Variants in CRISPLD2 observed in about 807,000 individuals in gnomAD.
The protein encoded by CRISPLD2 is cysteine-rich secretory protein LCCL domain-containing 2.
Under a neutral mutation model 71.1 loss-of-function variants are expected in CRISPLD2, and 47 were observed. The observed-to-expected ratio is 0.66, with a 90% CI of 0.52 to 0.84. The LOEUF (loss-of-function observed/expected upper bound fraction) is 0.84. Ranked by LOEUF, CRISPLD2 falls within the 40% of genes least tolerant of loss-of-function variation. The pLI, the probability that CRISPLD2 is intolerant of heterozygous loss-of-function variation, is 0.00. For synonymous variants in CRISPLD2, 317 were observed against 250.1 expected (o/e 1.27, Z -2.52); for missense variants, 830 against 651.1 (o/e 1.27, Z -2.99).
At chr16:84,896,324 C>T (rs1448752682) in intron 14 of CRISPLD2, among the ~76,000 whole-genome samples, 1 of 151,992 alleles carries the variant, frequency 6.6e-6, no homozygotes, top group Non-Finnish European at 1.5e-5. Flanking sequence ...GCTGGGAGTA[C>T]AGGTGTGAGC....
intron 8 of CRISPLD2, among the ~76,000 whole-genome samples, 191 bp downstream of exon 8, chr16:84,869,102 C>G (rs1282250738): frequency 6.6e-6 from 1 of 152,198 alleles, no homozygotes; most frequent in Non-Finnish European, 1.5e-5. Context: ...GTTGGCAGAT[C>G]CTATGGGAAT....
At chr16:84,869,580 G>C (rs533924838) in intron 8 of CRISPLD2, among the ~76,000 whole-genome samples, 1 of 152,268 alleles carries the variant, frequency 6.6e-6, no homozygotes, top group Non-Finnish European at 1.5e-5. Context: ...AGGCGGCTCA[G>C]TGGGCTCACA....
At chr16:84,884,888 C>T (rs76855942) in intron 13 of CRISPLD2, among the ~76,000 whole-genome samples, 1 of 152,200 alleles carries the variant, frequency 6.6e-6, no homozygotes, top group Non-Finnish European at 1.5e-5. Context: ...GGGTGCCCCT[C>T]CCCCGCCAGG....
chr16:84,895,183 G>A (rs2071695501), intron 14 of CRISPLD2, among the ~76,000 whole-genome samples: 1 of 152,198 alleles, frequency 6.6e-6, no homozygotes, highest in South Asian at 2.1e-4. Context: ...AGTAAAGGAA[G>A]GGAAGCACAG....
At chr16:84,898,759 G>C (rs1221683583) in intron 14 of CRISPLD2, among the ~76,000 whole-genome samples, 1 of 152,232 alleles carries the variant, frequency 6.6e-6, no homozygotes, top group Non-Finnish European at 1.5e-5. Flanking sequence ...CAGGTGCTCA[G>C]TAAACACTGG....
chr16:84,824,255 C>A (rs1304464470), intron 1 of CRISPLD2, among the ~76,000 whole-genome samples: 2 of 152,146 alleles, frequency 1.3e-5, no homozygotes, highest in Non-Finnish European at 2.9e-5. Flanking sequence ...GAGCCAGGCT[C>A]AGGGCAGCAA....
intron 14 of CRISPLD2, among the ~76,000 whole-genome samples, chr16:84,894,263 A>G (rs1291170086): frequency 6.6e-6 from 1 of 152,216 alleles, no homozygotes; most frequent in Non-Finnish European, 1.5e-5. Flanking sequence ...GTGTCTGAAT[A>G]TTCTTGGGGA....
chr16:84,878,213 G>T lies in CRISPLD2; in HGVS notation c.1229+703G>T, dbSNP rs191558109. Among the ~76,000 whole-genome samples the T allele has an allele frequency of 3.9e-3, 591 of 150,558 alleles. 2 individuals carry two copies. Among genetic ancestry groups the T allele is most frequent in the Admixed American group, 9.9e-3 (151 of 15,248 alleles). ...CACTCCAGCCTGGGTGACAGAGCGAGACTCCGTCTCAAAAAAAGAAAAAAG... is the reference window on the plus strand; with the variant it reads ...CACTCCAGCCTGGGTGACAGAGCGATACTCCGTCTCAAAAAAAGAAAAAAG... On this transcript the variant is annotated intron_variant, in intron 12 of 14. Coordinates refer to ENST00000262424, the MANE Select transcript of CRISPLD2 (RefSeq NM_031476.4).
chr16:84,845,889 G>GCGCT lies in CRISPLD2; in HGVS notation c.346_349dup (p.His117ArgfsTer18). 3.1e-6 allele frequency: 5 copies of GCGCT among 1,612,298 alleles called. No homozygotes were observed. Among genetic ancestry groups the GCGCT allele is most frequent in the Non-Finnish European group, 4.2e-6 (5 of 1,178,482 alleles). ...CTGGTGTCCATCGGGCAGAACCTGG[G>GCGCT]CGCTCACTGGGGCAGGTAAGAGCCA... On this transcript the variant is annotated frameshift_variant, in exon 3 of 15. Coordinates refer to ENST00000262424, the MANE Select transcript of CRISPLD2 (RefSeq NM_031476.4). LOFTEE classifies it high-confidence loss of function.
chr16:84,847,479 G>T (rs1015948503), intron 3 of CRISPLD2, among the ~76,000 whole-genome samples: 1 of 152,040 alleles, frequency 6.6e-6, no homozygotes, highest in Admixed American at 6.6e-5. Flanking sequence ...GTGAAACCCC[G>T]TCTCTACTAA....
chr16:84,840,109 A>G (rs1031121405), intron 2 of CRISPLD2: 4 of 152,086 alleles, frequency 2.6e-5, no homozygotes, highest in African/African-American at 7.3e-5. Context: ...GAATGCACCC[A>G]TGGCCCCCTG....
intron 6 of CRISPLD2, among the ~76,000 whole-genome samples, chr16:84,856,324 C>G (rs994528463): frequency 6.6e-6 from 1 of 152,200 alleles, no homozygotes; most frequent in African/African-American, 2.4e-5. Flanking sequence ...CTGATTTCAT[C>G]TTGATGATCC....
At chr16:84,841,137 C>A (rs899796117) in intron 2 of CRISPLD2, among the ~76,000 whole-genome samples, 1 of 152,108 alleles carries the variant, frequency 6.6e-6, no homozygotes, top group Non-Finnish European at 1.5e-5. Context: ...TGAAGAAATA[C>A]GGGGAGCTGC....
intron 13 of CRISPLD2, among the ~76,000 whole-genome samples, chr16:84,888,947 G>A (rs543612008): frequency 1.3e-5 from 2 of 152,212 alleles, no homozygotes; most frequent in Non-Finnish European, 2.9e-5. Context: ...TGAAGGCAAG[G>A]TCTTTATCTT....
chr16:84,892,296 G>C (rs1009741249), intron 14 of CRISPLD2, among the ~76,000 whole-genome samples: 13 of 152,172 alleles, frequency 8.5e-5, no homozygotes, highest in Admixed American at 8.5e-4. Flanking sequence ...GCAGGTCCTC[G>C]GGGGCATCGT....
intron 1 of CRISPLD2, among the ~76,000 whole-genome samples, chr16:84,826,048 C>T (rs181066259): frequency 3.1e-4 from 47 of 152,150 alleles, no homozygotes; most frequent in African/African-American, 1.0e-3. Flanking sequence ...GGATCAGAAG[C>T]TGTGGGGTGG....
intron 13 of CRISPLD2, among the ~76,000 whole-genome samples, chr16:84,885,909 C>T (rs1242401818): frequency 6.7e-6 from 1 of 150,116 alleles, no homozygotes; most frequent in African/African-American, 2.5e-5. Context: ...ACCTCAACCT[C>T]CTGGGCTCAA....
At chr16:84,903,835 A>T (rs912351893) in intron 14 of CRISPLD2, among the ~76,000 whole-genome samples, 2 of 152,190 alleles carry the variant, frequency 1.3e-5, no homozygotes, top group African/African-American at 4.8e-5. Flanking sequence ...GTTTGTTCAA[A>T]AAAGTGTGGA....
chr16:84,870,281 T>C (rs937627885), intron 8 of CRISPLD2, among the ~76,000 whole-genome samples: 3 of 152,226 alleles, frequency 2.0e-5, no homozygotes, highest in Non-Finnish European at 4.4e-5. Flanking sequence ...CCAGTCTTTT[T>C]TTCTGTGTAC....
Sources: gnomAD v4.1 joint callset for allele counts (sites outside exome capture counted in the v4.1 genomes callset) on GRCh38, gnomAD v4.1.1 for gene constraint, MANE v1.5 for transcripts, NCBI Gene and HGNC (gene_info 2026-07-23, HGNC 2026-07-21) for gene names.